ZZEF1: variants seen among roughly 807,000 people sequenced by gnomAD.
ZZEF1 encodes zinc finger ZZ-type and EF-hand domain-containing protein 1.
A neutral mutation model predicts 342.8 loss-of-function variants in ZZEF1; 157 were observed. The observed-to-expected ratio is 0.46, with a 90% confidence interval of 0.40 to 0.52. The LOEUF (loss-of-function observed/expected upper bound fraction) is 0.52. Among genes scored for constraint, ZZEF1 ranks in the 20% least tolerant of loss-of-function variants. ZZEF1 has a pLI of 0.00. For synonymous variants in ZZEF1, 1,505 were observed against 1,429.1 expected (o/e 1.05, Z -1.20); for missense variants, 3,480 against 3,725.6 (o/e 0.93, Z 1.72).
At chr17:4,007,653 G>A (rs1395589421) in intron 54 of ZZEF1, among the ~76,000 whole-genome samples, 5 of 152,194 alleles carry the variant, frequency 3.3e-5, no homozygotes, top group Non-Finnish European at 7.3e-5. Flanking sequence ...GATGAAACCT[G>A]GGGTGGCGGC....
intron 44 of ZZEF1, 43 bp downstream of exon 44, chr17:4,022,666 T>C: frequency 6.2e-7 from 1 of 1,612,056 alleles, no homozygotes; most frequent in Middle Eastern, 1.7e-4. Context: ...GGCCAGCACA[T>C]CTGCACCAGG....
intron 1 of ZZEF1, among the ~76,000 whole-genome samples, chr17:4,141,709 G>T (rs994952140): frequency 1.4e-5 from 1 of 73,110 alleles, no homozygotes; most frequent in Non-Finnish European, 3.1e-5. Context: ...TAAAATAAAA[G>T]TTGAAAGAAA....
At chr17:4,080,093 T>G (rs959919547) in intron 18 of ZZEF1, among the ~76,000 whole-genome samples, 2 of 152,152 alleles carry the variant, frequency 1.3e-5, no homozygotes, top group African/African-American at 4.8e-5. Context: ...TGCAGGTTCT[T>G]AAGCCCTATC....
chr17:4,036,821 T>A (rs368067171), intron 39 of ZZEF1, among the ~76,000 whole-genome samples: 4,764 of 46,924 alleles, frequency 0.1, 69 homozygotes, highest in African/African-American at 0.2. Flanking sequence ...ACACACACTC[T>A]CTCTCTCTCT....
chr17:4,033,252 A>T, intron 40 of ZZEF1: 1 of 418,902 alleles, frequency 2.4e-6, no homozygotes, highest in Non-Finnish European at 4.3e-6. Flanking sequence ...GTGTGTGTGC[A>T]CATGCACACT....
At chr17:4,064,890 A>C in intron 28 of ZZEF1, 61 bp from the exon 29 acceptor site, 16 of 1,014,440 alleles carry the variant, frequency 1.6e-5, no homozygotes, top group Non-Finnish European at 2.1e-5. Flanking sequence ...GGGGAGGGGG[A>C]GGGGAGAGGG....
At chr17:4,066,855 C>T (rs953408507) in intron 27 of ZZEF1, among the ~76,000 whole-genome samples, 1 of 85,640 alleles carries the variant, frequency 1.2e-5, no homozygotes, top group African/African-American at 7.3e-5. Context: ...GACATCTCTA[C>T]GTGATGCTGA....
intron 40 of ZZEF1, chr17:4,033,311 A>C: frequency 3.8e-6 from 1 of 260,558 alleles, no homozygotes; most frequent in Non-Finnish European, 7.3e-6. Context: ...CAGATGTATT[A>C]AAATGGTGCA....
intron 1 of ZZEF1, among the ~76,000 whole-genome samples, chr17:4,139,497 A>C (rs1458132790): frequency 6.6e-6 from 1 of 152,262 alleles, no homozygotes; most frequent in Non-Finnish European, 1.5e-5. Context: ...AGTAAAATAC[A>C]GCAGTATATT....
intron 46 of ZZEF1, among the ~76,000 whole-genome samples, chr17:4,018,333 A>T (rs1197554255): frequency 6.6e-6 from 1 of 151,824 alleles, no homozygotes; most frequent in Non-Finnish European, 1.5e-5. Context: ...CCGGCCTGGA[A>T]CTCCTGGGCT....
At chr17:4,053,979 T>C in intron 34 of ZZEF1, 78 bp downstream of exon 34, 1 of 1,474,718 alleles carries the variant, frequency 6.8e-7, no homozygotes, top group Non-Finnish European at 9.1e-7. Flanking sequence ...ACACTGAGAG[T>C]TTTTAAAAAT....
At chr17:4,054,510 C>T (rs1334098155) in intron 33 of ZZEF1, among the ~76,000 whole-genome samples, 1 of 152,096 alleles carries the variant, frequency 6.6e-6, no homozygotes, top group East Asian at 1.9e-4. Flanking sequence ...ACCCAAAGGA[C>T]AAACAGGTAC....
At chr17:4,087,593 G>T in intron 13 of ZZEF1, 59 bp from the exon 14 acceptor site, 4 of 1,404,368 alleles carry the variant, frequency 2.8e-6, no homozygotes, top group Non-Finnish European at 2.9e-6. Context: ...GAGAAATACT[G>T]TAATGCCTCA....
rs1181511395 is a variant in ZZEF1 at position 4,074,365 on chromosome 17, GA to G, written c.3484-15del. 4.3e-6 allele frequency: 7 copies of G among 1,613,884 alleles called. No individual in the cohort carries two copies. The highest frequency in any genetic ancestry group is 1.7e-5 in the Admixed American group (1 of 60,010). On this transcript the variant is annotated splice_polypyrimidine_tract_variant and intron_variant, in intron 23 of 54. Transcript: ENST00000381638. ...GAAGGTCACTTTCTAGAGACAAACA[GA>G]AATCATGTGGTCAGACAGATTAGAG...
In ZZEF1 at chr17:4,016,969, G is replaced by A. The variant is rs1045490817; in HGVS notation, c.8001+402C>T. 2.5e-5 allele frequency: 5 copies of A among 201,712 alleles called. No individual in the cohort carries two copies. The East Asian group carries it at 3.7e-4, about 15-fold the overall frequency. 12.5% of individuals were successfully genotyped at this position (201,712 alleles called of 1,614,324 possible). A position where few individuals can be genotyped will look rare whatever the true frequency, so the allele number is the denominator to read the frequency against. On this transcript the variant is annotated intron_variant, in intron 48 of 54. Coordinates refer to ENST00000381638, the MANE Select transcript of ZZEF1 (RefSeq NM_015113.4). This position sits in a 1 kb window ranked among gnomAD's most constrained non-coding sequence, Gnocchi z 4.4. ...CCAGCACCTGCAGGGCTGCAAGGCC[G>A]GGAAAAGACCTCGAGGTCTGGTGGT...
At chr17:4,106,374 G>C (rs1414608232) in intron 6 of ZZEF1, among the ~76,000 whole-genome samples, 1 of 151,440 alleles carries the variant, frequency 6.6e-6, no homozygotes, top group Non-Finnish European at 1.5e-5. Context: ...CAACTCTCTA[G>C]AATCCAGCTT....
intron 42 of ZZEF1, among the ~76,000 whole-genome samples, chr17:4,025,654 C>G (rs968201309): frequency 6.6e-6 from 1 of 150,410 alleles, no homozygotes; most frequent in Non-Finnish European, 1.5e-5. Flanking sequence ...TGCATTCCAG[C>G]CTGGGTGACA....
intron 40 of ZZEF1, 60 bp downstream of exon 40, chr17:4,033,955 C>A: frequency 6.3e-7 from 1 of 1,586,780 alleles, no homozygotes. Flanking sequence ...TCAACTTAAA[C>A]AAATAAACAC....
chr17:4,124,024 C>T lies in ZZEF1; in HGVS notation c.382G>A (p.Asp128Asn), dbSNP rs1243085353. The T allele has an allele frequency of 6.2e-7, 1 of 1,613,698 alleles. No individual in the cohort carries two copies. Among genetic ancestry groups the T allele is most frequent in the African/African-American group, 1.3e-5 (1 of 75,026 alleles). Residue 128 changes from aspartate to asparagine, a missense_variant, in exon 2 of 55, where the codon GAT (aspartate) becomes AAT (asparagine). By Grantham distance (23) the Asp-to-Asn change is conservative. This residue lies in a region of ZZEF1 where 416 missense variants were observed against 374.2 expected (regional missense o/e 1.11). Coordinates refer to ENST00000381638, the MANE Select transcript of ZZEF1 (RefSeq NM_015113.4). Reference sequence around the variant, plus strand: ...ATGTTCTCGGCATCAACTGTCCCATCACCCTCAGCATCAAACTGGGCAAAG... The same window carrying T: ...ATGTTCTCGGCATCAACTGTCCCATTACCCTCAGCATCAAACTGGGCAAAG... ...EAFAQFDAEG[D>N]GTVDAENMLE... is the part of the protein sequence containing the mutation.
Sources: allele counts gnomAD v4.1 joint callset (sites outside exome capture counted in the v4.1 genomes callset), GRCh38; gene constraint gnomAD v4.1.1; regional missense constraint gnomAD v4.1.1; non-coding constraint Gnocchi (gnomAD v3.1); transcripts MANE v1.5; gene names NCBI Gene and HGNC (gene_info 2026-07-23, HGNC 2026-07-21).